The following KAZN variants were observed in gnomAD, a reference collection of about 807,000 sequenced individuals.
KAZN encodes the protein kazrin, periplakin interacting protein.
In KAZN, 40 loss-of-function variants were observed where a neutral mutation model predicts 87.4. The ratio of observed to expected loss-of-function variants is 0.46; its 90% CI spans 0.36 to 0.60. The LOEUF (loss-of-function observed/expected upper bound fraction) is 0.60. Ranked by LOEUF, KAZN falls within the 20% of genes least tolerant of loss-of-function variation. The pLI, the probability that KAZN is intolerant of heterozygous loss-of-function variation, is 0.00. For synonymous variants in KAZN, 466 were observed against 458.3 expected (o/e 1.02, Z -0.22); for missense variants, 898 against 1,073.9 (o/e 0.84, Z 2.29).
chr1:14,590,214 T>A (rs548701860), intron 2 of KAZN, among the ~76,000 whole-genome samples: 47 of 152,262 alleles, frequency 3.1e-4, no homozygotes, highest in South Asian at 2.9e-3. Flanking sequence ...GTGTGTTAAG[T>A]GTTTCAAATC....
intron 4 of KAZN, among the ~76,000 whole-genome samples, chr1:15,052,344 A>G (rs887452957): frequency 7.2e-5 from 11 of 152,198 alleles, no homozygotes; most frequent in African/African-American, 2.2e-4. Flanking sequence ...GAGCATGTGC[A>G]GGGGAACTGC....
At chr1:14,257,616 A>C (rs1252245352) in intron 2 of KAZN, among the ~76,000 whole-genome samples, 2 of 148,514 alleles carry the variant, frequency 1.3e-5, no homozygotes, top group Non-Finnish European at 3.0e-5. Context: ...CTAACGTTTA[A>C]ATCTTTAATC....
intron 2 of KAZN, among the ~76,000 whole-genome samples, chr1:14,396,532 C>T (rs1029870063): frequency 3.3e-5 from 5 of 152,232 alleles, no homozygotes; most frequent in South Asian, 2.1e-4. Flanking sequence ...TCCCCTAACA[C>T]GTGAGAATTT....
At chr1:14,679,810 A>C (rs896906411) in intron 1 of KAZN, among the ~76,000 whole-genome samples, 1 of 152,078 alleles carries the variant, frequency 6.6e-6, no homozygotes, top group Admixed American at 6.5e-5. Flanking sequence ...GAACCCAGAC[A>C]GTCATGCTCC....
intron 2 of KAZN, among the ~76,000 whole-genome samples, chr1:15,016,049 A>G (rs1395803913): frequency 6.6e-6 from 1 of 152,186 alleles, no homozygotes; most frequent in Non-Finnish European, 1.5e-5. Flanking sequence ...GATGGTGTTA[A>G]GGTGAAGATC....
chr1:15,074,463 TC>T (rs1639650664), intron 8 of KAZN, among the ~76,000 whole-genome samples: 1 of 151,950 alleles, frequency 6.6e-6, no homozygotes, highest in South Asian at 2.1e-4. Flanking sequence ...CTCATGGGTG[TC>T]CCCCGGCTTC....
Position 14,599,339 on chromosome 1 carries a change from C to CT in KAZN, c.226+118dup. On this transcript the variant is annotated intron_variant, in intron 1 of 14. Coordinates refer to ENST00000376030, the MANE Select transcript of KAZN (RefSeq NM_201628.3). This position sits in a 1 kb window ranked among gnomAD's most constrained non-coding sequence, Gnocchi z 4.4. The stretch of plus-strand genomic sequence containing the variant: ...GGGGCGAAATCGCTTTGCATTCTGG[C>CT]TTGTAACCCTTTCCGCCCGGCGGTG... The CT allele has an allele frequency of 9.2e-7, 1 of 1,089,108 alleles. No homozygotes were observed. The highest frequency in any genetic ancestry group is 1.2e-6 in the Non-Finnish European group (1 of 858,718). 67.5% of individuals were successfully genotyped at this position (1,089,108 alleles called of 1,614,324 possible). A position where few individuals can be genotyped will look rare whatever the true frequency, so the allele number is the denominator to read the frequency against.
chr1:14,868,410 T>C (rs866577343), intron 1 of KAZN, among the ~76,000 whole-genome samples: 2 of 152,176 alleles, frequency 1.3e-5, no homozygotes, highest in Non-Finnish European at 1.5e-5. Flanking sequence ...ATTTTATAGA[T>C]GGGGAAACTG....
chr1:15,086,800 C>A (rs1347604235), intron 8 of KAZN, among the ~76,000 whole-genome samples: 1 of 152,190 alleles, frequency 6.6e-6, no homozygotes, highest in African/African-American at 2.4e-5. Context: ...GGATATTGAA[C>A]AACCCTAGGT....
At chr1:14,246,205 A>G (rs796331829) in intron 2 of KAZN, among the ~76,000 whole-genome samples, 9 of 152,284 alleles carry the variant, frequency 5.9e-5, no homozygotes, top group African/African-American at 1.9e-4. Flanking sequence ...GAGCATCAGG[A>G]AAAATAGCTA....
At chr1:14,002,531 T>C (rs1406421391) in intron 1 of KAZN, among the ~76,000 whole-genome samples, 3 of 152,234 alleles carry the variant, frequency 2.0e-5, no homozygotes, top group Non-Finnish European at 2.9e-5. Flanking sequence ...TCCCCAGCCA[T>C]GTGGAACTGC....
intron 1 of KAZN, among the ~76,000 whole-genome samples, chr1:14,024,068 G>GT (rs1182730244): frequency 9.9e-5 from 15 of 152,192 alleles, no homozygotes; most frequent in African/African-American, 3.6e-4. Flanking sequence ...GGATTATCTT[G>GT]TTAGGGATCG....
chr1:14,215,812 G>T (rs1308969257), intron 2 of KAZN, among the ~76,000 whole-genome samples: 1 of 152,080 alleles, frequency 6.6e-6, no homozygotes, highest in African/African-American at 2.4e-5. Flanking sequence ...CTCTCTCAAG[G>T]CTTGTGCTAT....
At chr1:15,078,685 T>TG (rs769657287) in intron 8 of KAZN, among the ~76,000 whole-genome samples, 3 of 152,202 alleles carry the variant, frequency 2.0e-5, no homozygotes, top group Non-Finnish European at 4.4e-5. Flanking sequence ...TGGCTCTGGC[T>TG]GAACATATTA....
chr1:14,340,888 C>CTTTTTTTTTTTTTTTTTT lies in KAZN; in HGVS notation c.249+160313_249+160314insTTTTTTTTTTTTTTTTTT, dbSNP rs3085672. Among the ~76,000 whole-genome samples the CTTTTTTTTTTTTTTTTTT allele has an allele frequency of 1.6e-4, 16 of 103,156 alleles. 3 individuals carry two copies. The highest frequency in any genetic ancestry group is 3.2e-4 in the African/African-American group (8 of 24,754). 67.7% of individuals were successfully genotyped at this position (103,156 alleles called of 152,430 possible). A position where few individuals can be genotyped will look rare whatever the true frequency, so the allele number is the denominator to read the frequency against. Reference sequence around the variant, plus strand: ...ATCTCCGTAAGGGTCATGATTTTCCCTTTTTTTTTTTTTTTTTGAGATGGA... The same window carrying CTTTTTTTTTTTTTTTTTT: ...ATCTCCGTAAGGGTCATGATTTTCCCTTTTTTTTTTTTTTTTTTTTTTTTTTTTTTTTTTTGAGATGGA... On this transcript the variant is annotated intron_variant, in intron 2 of 16. Coordinates refer to the KAZN transcript ENST00000636203.
chr1:14,656,853 C>T (rs1450242676), intron 1 of KAZN, among the ~76,000 whole-genome samples: 2 of 152,194 alleles, frequency 1.3e-5, no homozygotes, highest in South Asian at 4.1e-4. Flanking sequence ...ACAGGAGATT[C>T]GGGCAGAGAC....
intron 2 of KAZN, among the ~76,000 whole-genome samples, chr1:14,496,238 G>T (rs1456779091): frequency 6.6e-6 from 1 of 152,146 alleles, no homozygotes; most frequent in Non-Finnish European, 1.5e-5. Context: ...AATCCCTGCT[G>T]TGAAGCTAAC....
At chr1:14,393,842 C>CAAAAAAAA (rs35205129) in intron 2 of KAZN, among the ~76,000 whole-genome samples, 7 of 87,014 alleles carry the variant, frequency 8.0e-5, no homozygotes, top group African/African-American at 3.6e-4. Context: ...GACCCAATCT[C>CAAAAAAAA]AAAAAAAAAA....
intron 1 of KAZN, among the ~76,000 whole-genome samples, chr1:14,770,855 C>T (rs908725262): frequency 3.3e-5 from 5 of 152,130 alleles, no homozygotes; most frequent in Admixed American, 6.5e-5. Flanking sequence ...CAGTTCTCTT[C>T]CCCTCCCCCA....
Sources: allele counts gnomAD v4.1 joint callset (sites outside exome capture counted in the v4.1 genomes callset), GRCh38; gene constraint gnomAD v4.1.1; non-coding constraint Gnocchi (gnomAD v3.1); transcripts MANE v1.5; gene names NCBI Gene and HGNC (gene_info 2026-07-23, HGNC 2026-07-21).